SACS: variants seen among roughly 807,000 people sequenced by gnomAD.
SACS encodes the protein sacsin molecular chaperone, also known as sacsin.
A neutral mutation model predicts 348.0 loss-of-function variants in SACS; 197 were observed. The ratio of observed to expected loss-of-function variants is 0.57; its 90% CI spans 0.50 to 0.64. SACS has a LOEUF of 0.64. SACS is among the 30% of genes least tolerant of loss of function. SACS has a pLI of 0.00. For synonymous variants in SACS, 1,985 were observed against 1,910.6 expected, an observed-to-expected ratio of 1.04 and a Z score of -1.02; for missense variants, 4,999 against 5,360.8, an observed-to-expected ratio of 0.93 and a Z score of 2.11.
Position 23,329,272 on chromosome 13 carries a change from C to G in SACS, c.*864G>C, listed in dbSNP as rs1883319134. On this transcript the variant is annotated 3_prime_UTR_variant, in exon 10 of 10. Transcript: ENST00000382292. ...AAGGTTGTTTTTTTTTTAACTGCAG[C>G]ACCTTTAGACAACAAAAGATTGCAT... 3.8e-6 allele frequency: 2 copies of G among 525,396 alleles called. No homozygotes were observed. Among genetic ancestry groups the G allele is most frequent in the Admixed American group, 8.0e-5 (2 of 25,056 alleles). The allele number at this position is 525,396 out of a possible 1,614,324, so 32.5% of individuals were successfully genotyped here. A position where few individuals can be genotyped will look rare whatever the true frequency, so the allele number is the denominator to read the frequency against.
At chr13:23,381,633 C>T (rs752131721) in intron 2 of SACS, among the ~76,000 whole-genome samples, 3 of 152,052 alleles carry the variant, frequency 2.0e-5, no homozygotes, top group Non-Finnish European at 4.4e-5. Flanking sequence ...AATCCCTAGA[C>T]GTTGATTTGA....
chr13:23,372,899 G>A (rs1871485326), intron 3 of SACS, among the ~76,000 whole-genome samples: 1 of 152,016 alleles, frequency 6.6e-6, no homozygotes, highest in Non-Finnish European at 1.5e-5. Flanking sequence ...CCTTTCCTTT[G>A]GTTTCACCTT....
chr13:23,340,152 C>T lies in SACS; in HGVS notation c.3724G>A (p.Asp1242Asn). The T allele has an allele frequency of 6.2e-7, 1 of 1,613,152 alleles. No individual in the cohort carries two copies. The highest frequency in any genetic ancestry group is 1.3e-5 in the African/African-American group (1 of 75,020). ...VDWYSSKTFS[D>N]EDYYQFQHIL... ...TGCTGGAATTGATAGTAGTCTTCAT[C>T]ACTAAAGGTTTTTGAAGAATACCAA... is the stretch of plus-strand genomic sequence containing the variant. Residue 1242 changes from aspartate to asparagine, a missense_variant, in exon 10 of 10, where the codon GAT becomes AAT. Asp to Asn is a conservative substitution (Grantham distance 23). Around this residue, in one of 6 missense-constraint regions of SACS, gnomAD observed 3,156 missense variants for 3,380.1 expected, o/e 0.93. Transcript: ENST00000382292.
chr13:23,351,450 C>G (rs1159783787), intron 9 of SACS, among the ~76,000 whole-genome samples: 2 of 152,038 alleles, frequency 1.3e-5, no homozygotes, highest in South Asian at 2.1e-4. Context: ...GAATACTGTT[C>G]TCATGGTACT....
intron 2 of SACS, among the ~76,000 whole-genome samples, chr13:23,408,662 C>T (rs1182592377): frequency 6.6e-6 from 1 of 152,148 alleles, no homozygotes; most frequent in Non-Finnish European, 1.5e-5. Flanking sequence ...TAGAGTGGAT[C>T]CTCTTTAACA....
At chr13:23,389,822 T>C (rs1171127013) in intron 2 of SACS, among the ~76,000 whole-genome samples, 1 of 152,248 alleles carries the variant, frequency 6.6e-6, no homozygotes, top group Non-Finnish European at 1.5e-5. Flanking sequence ...AGTTCTACTC[T>C]TTCTGCTTTT....
At chr13:23,356,136 T>G in intron 7 of SACS, 129 bp from the exon 8 acceptor site, 1 of 741,450 alleles carries the variant, frequency 1.3e-6, no homozygotes, top group Non-Finnish European at 2.2e-6. Flanking sequence ...AACACAAACT[T>G]AATTTACCTT....
At chr13:23,392,360 T>G (rs551403019) in intron 2 of SACS, among the ~76,000 whole-genome samples, 3 of 152,206 alleles carry the variant, frequency 2.0e-5, no homozygotes, top group Non-Finnish European at 4.4e-5. Context: ...ACAGCCAGGT[T>G]TGCAACTAAC....
Position 23,424,437 on chromosome 13 carries a change from A to T in SACS, c.-502+9178T>A, listed in dbSNP as rs538700646. Reference sequence around the variant, plus strand: ...CTACTTGGGAGGCTGAGGCAGGAGAATCACTTGAACCCGGGAGGCGGAGGT... The same window carrying T: ...CTACTTGGGAGGCTGAGGCAGGAGATTCACTTGAACCCGGGAGGCGGAGGT... On this transcript the variant is annotated intron_variant, in intron 1 of 9. Coordinates refer to ENST00000382292, the MANE Select transcript of SACS (RefSeq NM_014363.6). 2.6e-5 allele frequency among the ~76,000 whole-genome samples: 4 copies of T among 152,262 alleles called. No homozygotes were observed. The South Asian group carries it at 8.3e-4, about 32-fold the overall frequency.
rs1869134973 is a variant in SACS at position 23,340,806 on chromosome 13, T to C, written c.3070A>G (p.Lys1024Glu). 6.2e-7 allele frequency: 1 copy of C among 1,601,270 alleles called. No individual in the cohort carries two copies. Among genetic ancestry groups the C allele is most frequent in the African/African-American group, 1.3e-5 (1 of 74,428 alleles). ...TCAAGCACATTTGGATTCTCATTTTTAAGAGAAGATAGATTCTCAAGGACC... is the reference window on the plus strand; with the variant it reads ...TCAAGCACATTTGGATTCTCATTTTCAAGAGAAGATAGATTCTCAAGGACC... ...LWVLENLSSLKNENPNVLEWL... is the reference protein window; with the variant it reads ...LWVLENLSSLENENPNVLEWL... The change falls in exon 10 of 10, where the codon AAA becomes GAA. Residue 1024 changes from lysine to glutamate, a missense_variant. Lys to Glu is a moderately conservative substitution (Grantham distance 56). Around this residue, in one of 6 missense-constraint regions of SACS, gnomAD observed 3,156 missense variants for 3,380.1 expected, o/e 0.93. Coordinates refer to ENST00000382292, the MANE Select transcript of SACS (RefSeq NM_014363.6).
intron 2 of SACS, among the ~76,000 whole-genome samples, chr13:23,400,274 A>G (rs765877233): frequency 7.9e-5 from 12 of 152,178 alleles, no homozygotes; most frequent in Non-Finnish European, 7.3e-5. Flanking sequence ...CTGAATTGTA[A>G]GTCACAATAT....
chr13:23,425,768 G>T (rs1257007556), intron 1 of SACS, among the ~76,000 whole-genome samples: 1 of 127,964 alleles, frequency 7.8e-6, no homozygotes, highest in African/African-American at 3.0e-5. Flanking sequence ...TGGACTTGGG[G>T]CCCCGAAGCT....
intron 2 of SACS, among the ~76,000 whole-genome samples, chr13:23,389,469 G>T (rs901242038): frequency 6.6e-5 from 10 of 152,146 alleles, no homozygotes; most frequent in African/African-American, 2.4e-4. Context: ...ACTGACCAGG[G>T]TCACTGGAAA....
At chr13:23,418,344 T>C (rs1403278239) in intron 1 of SACS, among the ~76,000 whole-genome samples, 3 of 152,222 alleles carry the variant, frequency 2.0e-5, no homozygotes, top group Non-Finnish European at 4.4e-5. Flanking sequence ...AATATACATT[T>C]AGTTCAACTT....
intron 9 of SACS, among the ~76,000 whole-genome samples, chr13:23,345,663 A>G (rs1164044057): frequency 1.3e-5 from 2 of 152,222 alleles, no homozygotes; most frequent in Non-Finnish European, 2.9e-5. Context: ...AAAATATAAT[A>G]GTAAGAACCG....
At chr13:23,396,339 AG>A (rs60459729) in intron 2 of SACS, among the ~76,000 whole-genome samples, 4,128 of 149,078 alleles carry the variant, frequency 0.028, 192 homozygotes, top group African/African-American at 0.096. Flanking sequence ...AAAAAAAAAA[AG>A]AACTTATATA....
rs755024856 is a variant in SACS at position 23,339,499 on chromosome 13, T to G, written c.4377A>C (p.Pro1459=). 1.9e-6 allele frequency: 3 copies of G among 1,610,282 alleles called. No individual in the cohort carries two copies. The Admixed American group carries it at 5.0e-5, about 27-fold the overall frequency. ...GAATATTTTTAATTCTTACAGTAAG[T>G]GGCTCTCTTTGTCCTGACTGCTCAA... ...MGFEQSGQRE[P]LTVRIKNILE... is the part of the protein sequence containing the mutation. Residue 1459 remains proline, a synonymous_variant, in exon 10 of 10, where the codon CCA becomes CCC. Transcript: ENST00000382292.
At chr13:23,354,002 A>G in intron 8 of SACS, 126 bp from the exon 9 acceptor site, 2 of 675,772 alleles carry the variant, frequency 3.0e-6, no homozygotes, top group Admixed American at 4.8e-5. Context: ...TAATGCACAC[A>G]TCAAATCAAA....
chr13:23,333,729 C>T lies in SACS; in HGVS notation c.10147G>A (p.Asp3383Asn). The change falls in exon 10 of 10, where the codon GAT becomes AAT. Residue 3383 changes from aspartate to asparagine, a missense_variant. Physicochemically the swap from Asp to Asn is conservative, Grantham distance 23. Around this residue, in one of 6 missense-constraint regions of SACS, gnomAD observed 734 missense variants for 694.0 expected, o/e 1.06. Transcript: ENST00000382292. The part of the protein sequence containing the change: ...TFRAEKLVEN[D>N]FEALLMYFNC... The stretch of plus-strand genomic sequence containing the variant: ...AAATACATCAAAAGTGCCTCAAAAT[C>T]ATTTTCTACTAATTTTTCTGCTCTA... 2 of 1,613,742 alleles carry T rather than the reference C, an allele frequency of 1.2e-6. No individual in the cohort carries two copies. The highest frequency in any genetic ancestry group is 2.2e-5 in the East Asian group (1 of 44,870).
Sources: gnomAD v4.1 joint callset for allele counts (sites outside exome capture counted in the v4.1 genomes callset) on GRCh38, gnomAD v4.1.1 for gene constraint, gnomAD v4.1.1 regional missense constraint, MANE v1.5 for transcripts, NCBI Gene and HGNC (gene_info 2026-07-23, HGNC 2026-07-21) for gene names.